Variants in EPRS1 observed in about 807,000 individuals in gnomAD.
EPRS1 encodes the protein bifunctional glutamate/proline--tRNA ligase.
A neutral mutation model predicts 188.3 loss-of-function variants in EPRS1; 107 were observed. The observed-to-expected ratio is 0.57, with a 90% CI of 0.49 to 0.67. The LOEUF is 0.67. Among genes scored for constraint, EPRS1 ranks in the 30% least tolerant of loss-of-function variants. The pLI is 0.00. For synonymous variants in EPRS1, 596 were observed against 593.1 expected (o/e 1.00, Z -0.07); for missense variants, 1,577 against 1,802.2 (o/e 0.88, Z 2.26).
intron 16 of EPRS1, among the ~76,000 whole-genome samples, chr1:220,003,745 C>A (rs1661404972): frequency 6.6e-6 from 1 of 152,164 alleles, no homozygotes; most frequent in South Asian, 2.1e-4. Flanking sequence ...GAGGGCTTAG[C>A]AACTATTAGG....
rs140568859 is a variant in EPRS1 at position 219,971,795 on chromosome 1, T to TATATATACACAC, written c.4323+273_4323+274insGTGTGTATATAT. ...GTAGAAAACAAAGACTATATATATA[T>TATATATACACAC]ACATATACACACACACTATATTTAT... On this transcript the variant is annotated intron_variant, in intron 30 of 31. Coordinates refer to ENST00000366923, the MANE Select transcript of EPRS1 (RefSeq NM_004446.3). 7.7e-4 allele frequency among the ~76,000 whole-genome samples: 83 copies of TATATATACACAC among 108,426 alleles called. 9 individuals carry two copies. The highest frequency in any genetic ancestry group is 5.1e-3 in the Middle Eastern group (1 of 196). The allele number at this position is 108,426 out of a possible 152,430, so 71.1% of individuals were successfully genotyped here. A position where few individuals can be genotyped will look rare whatever the true frequency, so the allele number is the denominator to read the frequency against.
At position 219,979,627 on chromosome 1, in the gene EPRS1, A is replaced by C. The variant is rs764015148; in HGVS notation, c.3712-12T>G. The stretch of plus-strand genomic sequence containing the variant: ...TGTGATGTTCCTCCCTAAAATAGAG[A>C]GAGAAAAATAAGCTTCATTTTTAAT... On this transcript the variant is annotated splice_polypyrimidine_tract_variant and intron_variant, in intron 26 of 31. Coordinates refer to ENST00000366923, the MANE Select transcript of EPRS1 (RefSeq NM_004446.3). The C allele has an allele frequency of 1.3e-6, 2 of 1,581,108 alleles. No individual in the cohort carries two copies. The highest frequency in any genetic ancestry group is 1.7e-5 in the Admixed American group (1 of 59,532).
In EPRS1 at chr1:219,988,389, G is replaced by GTGTC. The variant is rs570357288; in HGVS notation, c.2775+197_2775+200dup. Among the ~76,000 whole-genome samples, 22 of 152,068 alleles carry GTGTC rather than the reference G, an allele frequency of 1.4e-4. No homozygotes were observed. The South Asian group carries it at 4.4e-3, about 30-fold the overall frequency. On this transcript the variant is annotated intron_variant, in intron 19 of 31. Transcript: ENST00000366923. ...TTAAGTACTATGTCAGTGATGGGCG[G>GTGTC]TGTCATATGAAAACATCCAATCAAA...
intron 28 of EPRS1, among the ~76,000 whole-genome samples, chr1:219,977,286 T>C (rs895495287): frequency 6.6e-5 from 10 of 152,156 alleles, no homozygotes; most frequent in African/African-American, 2.2e-4. Context: ...CTTTATTTTC[T>C]TTCCTGAGGA....
Position 220,018,429 on chromosome 1 carries a change from CAG to C in EPRS1, c.1494+18_1494+19del, listed in dbSNP as rs1003811609. 3 of 1,582,258 alleles carry C rather than the reference CAG, an allele frequency of 1.9e-6. No individual in the cohort carries two copies. Among genetic ancestry groups the C allele is most frequent in the Non-Finnish European group, 2.6e-6 (3 of 1,152,410 alleles). On this transcript the variant is annotated intron_variant, in intron 12 of 31. Transcript: ENST00000366923. ...GGGACTTAAGCATGAGAAAAGAAGG[CAG>C]AGAGTTAACATACATACCTTTTTGT...
In EPRS1 at chr1:220,007,323, A is replaced by G; in HGVS notation, c.1621T>C (p.Leu541=). The part of the protein sequence containing the change: ...AKHPKNPEVG[L]KPVWYSPKVF... ...TTGGGACTATACCACACAGGCTTCAAGCCAACCTCAGGATTCTGATTGATA... is the reference window on the plus strand; with the variant it reads ...TTGGGACTATACCACACAGGCTTCAGGCCAACCTCAGGATTCTGATTGATA... Residue 541 remains leucine, a synonymous_variant, in exon 14 of 32, where the codon TTG becomes CTG. Transcript: ENST00000366923. The G allele has an allele frequency of 6.2e-7, 1 of 1,610,384 alleles. No homozygotes were observed. The highest frequency in any genetic ancestry group is 8.5e-7 in the Non-Finnish European group (1 of 1,179,084).
chr1:220,021,061 A>C (rs1661870278), intron 9 of EPRS1, among the ~76,000 whole-genome samples: 1 of 151,376 alleles, frequency 6.6e-6, no homozygotes, highest in Non-Finnish European at 1.5e-5. Flanking sequence ...TATTTGTTTT[A>C]AAGTAGAGAT....
chr1:220,033,657 A>T lies in EPRS1; in HGVS notation c.233T>A (p.Ile78Asn). ...YGSNLMEHTE[I>N]DHWLEFSATK... The stretch of plus-strand genomic sequence containing the variant: ...AGCACTGAACTCCAACCAGTGATCA[A>T]TCTGTCAACATAAAAGACAGAAAAG... The change falls in exon 4 of 32, where the codon ATT becomes AAT. Residue 78 changes from isoleucine to asparagine, a missense_variant and splice_region_variant. Physicochemically the swap from Ile to Asn is moderately radical, Grantham distance 149 (BLOSUM62 -3). Transcript: ENST00000366923. The T allele has an allele frequency of 6.3e-7, 1 of 1,598,482 alleles. No homozygotes were observed. The highest frequency in any genetic ancestry group is 8.6e-7 in the Non-Finnish European group (1 of 1,169,194).
chr1:220,044,959 T>A lies in EPRS1; in HGVS notation c.46+1384A>T, dbSNP rs74608200. Among the ~76,000 whole-genome samples the A allele has an allele frequency of 2.0e-5, 3 of 152,182 alleles. No homozygotes were observed. The South Asian group carries it at 6.2e-4, about 31-fold the overall frequency. On this transcript the variant is annotated intron_variant, in intron 1 of 31. Transcript: ENST00000366923. ...AGCTCAGGAATCAAACCCATTCCTT[T>A]TAGAGTTCATTGATTTGTTGTGCGG...
At chr1:220,020,824 TTATATATATATATATA>T (rs71169429) in intron 9 of EPRS1, among the ~76,000 whole-genome samples, 20,222 of 108,872 alleles carry the variant, frequency 0.19, 2,234 homozygotes, top group Admixed American at 0.26. Context: ...CAATTTGAAT[TTATATATATATATATA>T]TATATATATA....
chr1:219,973,535 A>AT, intron 28 of EPRS1, 137 bp from the exon 29 acceptor site: 1 of 526,628 alleles, frequency 1.9e-6, no homozygotes, highest in East Asian at 3.1e-5. Flanking sequence ...ACAAGAGAAA[A>AT]AAAAAAAACA....
At chr1:219,983,028 GTTAA>G (rs1290027026) in intron 22 of EPRS1, among the ~76,000 whole-genome samples, 157 bp downstream of exon 22, 1 of 152,140 alleles carries the variant, frequency 6.6e-6, no homozygotes, top group Non-Finnish European at 1.5e-5. Flanking sequence ...TTAAAAGTCA[GTTAA>G]TTAATGTAAC....
intron 13 of EPRS1, among the ~76,000 whole-genome samples, chr1:220,009,783 T>C (rs954058108): frequency 3.3e-5 from 5 of 152,114 alleles, no homozygotes; most frequent in Admixed American, 1.3e-4. Context: ...AAGTACTCTA[T>C]GGTACTTGTA....
At chr1:220,033,805 G>A in intron 3 of EPRS1, 147 bp from the exon 4 acceptor site, 2 of 577,558 alleles carry the variant, frequency 3.5e-6, no homozygotes, top group Non-Finnish European at 3.0e-6. Context: ...ATCATTATGT[G>A]GACTAAATTC....
chr1:219,977,844 A>C (rs1270609464), intron 28 of EPRS1, among the ~76,000 whole-genome samples: 8 of 152,186 alleles, frequency 5.3e-5, no homozygotes, highest in Admixed American at 5.2e-4. Context: ...CCATAGTTTG[A>C]AAGCATGCAG....
chr1:220,018,282 G>A, intron 12 of EPRS1, 167 bp downstream of exon 12: 1 of 872,250 alleles, frequency 1.1e-6, no homozygotes, highest in Non-Finnish European at 1.8e-6. Context: ...CTTAATTAAT[G>A]CTCTTCGTGT....
At position 220,019,143 on chromosome 1, in the gene EPRS1, G is replaced by A. The variant is rs927902472; in HGVS notation, c.1350-64C>T. ...TAATGTGTAGATGTGGAGAGTAGAA[G>A]ATACTTAATCAATAATAAATCATAT... On this transcript the variant is annotated intron_variant, in intron 10 of 31. Transcript: ENST00000366923. 14 of 949,296 alleles carry A rather than the reference G, an allele frequency of 1.5e-5. No homozygotes were observed. In the African/African-American group the frequency reaches 2.0e-4, roughly 13 times the overall value. The allele number at this position is 949,296 out of a possible 1,614,324, so 58.8% of individuals were successfully genotyped here.
intron 2 of EPRS1, among the ~76,000 whole-genome samples, chr1:220,036,124 C>T (rs1343992570): frequency 3.3e-5 from 5 of 152,082 alleles, no homozygotes; most frequent in African/African-American, 7.2e-5. Flanking sequence ...TGCTTGAACC[C>T]GGGAAGTGGA....
At chr1:220,028,174 G>A (rs1662019781) in intron 6 of EPRS1, among the ~76,000 whole-genome samples, 1 of 152,116 alleles carries the variant, frequency 6.6e-6, no homozygotes, top group Admixed American at 6.6e-5. Flanking sequence ...ATATTGTGGT[G>A]TACTTTTAAC....
Sources: gnomAD v4.1 joint callset for allele counts (sites outside exome capture counted in the v4.1 genomes callset) on GRCh38, gnomAD v4.1.1 for gene constraint, MANE v1.5 for transcripts, NCBI Gene and HGNC (gene_info 2026-07-23, HGNC 2026-07-21) for gene names.